Variants in GSE1 observed in about 807,000 individuals in gnomAD.
The protein encoded by GSE1 is Gse1 coiled-coil protein, also known as genetic suppressor element 1.
Under a neutral mutation model 112.6 loss-of-function variants are expected in GSE1, and 32 were observed. The observed-to-expected ratio is 0.28, with a 90% CI of 0.21 to 0.38. The LOEUF (loss-of-function observed/expected upper bound fraction) is 0.38, where lower values mean the gene tolerates loss of function less well. Among genes scored for constraint, GSE1 ranks in the 10% least tolerant of loss-of-function variants. The pLI, the probability that GSE1 is intolerant of heterozygous loss-of-function variation, is 1.00. For missense variants in GSE1, 2,348 were observed against 1,699.2 expected, an observed-to-expected ratio of 1.38 and a Z score of -6.71; for synonymous variants, 1,115 against 735.6, an observed-to-expected ratio of 1.52 and a Z score of -8.35.
chr16:85,596,800 C>G (rs1352147851), intron 1 of GSE1, among the ~76,000 whole-genome samples: 1 of 152,036 alleles, frequency 6.6e-6, no homozygotes, highest in Non-Finnish European at 1.5e-5. Flanking sequence ...CTTTGGGAGG[C>G]CAAGGCGGGC....
chr16:85,426,462 AAGGGAGGG>A (rs58336674), intron 2 of GSE1, among the ~76,000 whole-genome samples: 1 of 90,282 alleles, frequency 1.1e-5, no homozygotes, highest in East Asian at 4.1e-4. Context: ...GGAAGGGAGA[AAGGGAGGG>A]AGGGAGGGAG....
chr16:85,260,379 T>C (rs954305157), intron 1 of GSE1, among the ~76,000 whole-genome samples: 4 of 146,180 alleles, frequency 2.7e-5, no homozygotes, highest in African/African-American at 1.0e-4. Flanking sequence ...GCTGGAGTGC[T>C]GTGGTGCTAT....
chr16:85,536,976 G>A (rs2044351601), intron 2 of GSE1, among the ~76,000 whole-genome samples: 1 of 152,216 alleles, frequency 6.6e-6, no homozygotes, highest in Admixed American at 6.5e-5. Context: ...GCCTGACGTG[G>A]TCATTGAGCC....
chr16:85,250,316 C>T (rs966170340), intron 1 of GSE1, among the ~76,000 whole-genome samples: 1 of 152,222 alleles, frequency 6.6e-6, no homozygotes, highest in African/African-American at 2.4e-5. Context: ...TTTGCGCCAG[C>T]AGTGCACCCC....
Position 85,430,743 on chromosome 16 carries a change from T to G in GSE1, c.2464+73100T>G, listed in dbSNP as rs373806566. 1.0e-3 allele frequency among the ~76,000 whole-genome samples: 153 copies of G among 152,240 alleles called. 1 individual carries two copies. The highest frequency in any genetic ancestry group is 2.7e-3 in the African/African-American group (113 of 41,550). On this transcript the variant is annotated intron_variant, in intron 2 of 2. Transcript: ENST00000637419. ...CGTCTGAAGGGCACCGCTGGGGAAA[T>G]CCTGACGTAGGCACACACGTGCATG... is the stretch of plus-strand genomic sequence containing the variant.
chr16:85,253,287 A>G (rs948264997), intron 1 of GSE1, among the ~76,000 whole-genome samples: 1 of 151,640 alleles, frequency 6.6e-6, no homozygotes, highest in Non-Finnish European at 1.5e-5. Flanking sequence ...GGAGTCTGCA[A>G]CCCCGCTTGC....
chr16:85,616,223 C>T (rs1015592246), intron 1 of GSE1, among the ~76,000 whole-genome samples: 1 of 152,246 alleles, frequency 6.6e-6, no homozygotes, highest in South Asian at 2.1e-4. Context: ...GGAGCAGGTA[C>T]TGTCTGTCCT....
At chr16:85,664,930 C>T (rs1465037214) in intron 11 of GSE1, 85 bp from the exon 12 acceptor site, 5 of 938,258 alleles carry the variant, frequency 5.3e-6, no homozygotes, top group Non-Finnish European at 8.6e-6. Flanking sequence ...TTGCCTGCCC[C>T]TCAAGGCTCG....
chr16:85,351,457 T>A (rs2046848733), intron 1 of GSE1, among the ~76,000 whole-genome samples: 1 of 151,840 alleles, frequency 6.6e-6, no homozygotes, highest in South Asian at 2.1e-4. Context: ...GTATGAAACG[T>A]CTAGAAGAGG....
intron 1 of GSE1, among the ~76,000 whole-genome samples, chr16:85,244,889 G>T (rs1905466507): frequency 6.6e-6 from 1 of 151,964 alleles, no homozygotes; most frequent in Non-Finnish European, 1.5e-5. Flanking sequence ...TACTCAAGAG[G>T]CTGAGGCAGG....
At chr16:85,433,401 C>G (rs1407390246) in intron 2 of GSE1, among the ~76,000 whole-genome samples, 2 of 152,104 alleles carry the variant, frequency 1.3e-5, no homozygotes, top group African/African-American at 4.8e-5. Context: ...CTTTCCCTGC[C>G]CTCGGCCAGC....
chr16:85,640,269 G>A (rs2050333977), intron 2 of GSE1, among the ~76,000 whole-genome samples: 1 of 152,196 alleles, frequency 6.6e-6, no homozygotes, highest in African/African-American at 2.4e-5. Context: ...CACCGGCCGG[G>A]GGCTCATGGT....
chr16:85,471,043 G>A (rs2050278087), intron 2 of GSE1, among the ~76,000 whole-genome samples: 1 of 152,222 alleles, frequency 6.6e-6, no homozygotes. Flanking sequence ...CCCCAGAGCA[G>A]GAGGTGCCAG....
intron 1 of GSE1, among the ~76,000 whole-genome samples, chr16:85,226,755 ACTG>A (rs2075492545): frequency 1.6e-5 from 2 of 122,038 alleles, no homozygotes; most frequent in African/African-American, 6.5e-5. Flanking sequence ...TGCTGCCTGG[ACTG>A]GTGTGTGTGT....
At chr16:85,329,405 G>T (rs113875723) in intron 1 of GSE1, among the ~76,000 whole-genome samples, 1 of 152,112 alleles carries the variant, frequency 6.6e-6, no homozygotes, top group South Asian at 2.1e-4. Context: ...CTTCGGCTAA[G>T]CCTGGAACAG....
chr16:85,294,572 TG>T (rs2045307940), intron 1 of GSE1, among the ~76,000 whole-genome samples: 1 of 150,696 alleles, frequency 6.6e-6, no homozygotes, highest in Admixed American at 6.6e-5. Flanking sequence ...GGTTACAGGC[TG>T]GGGTCACATT....
At chr16:85,241,608 G>C (rs954005095) in intron 1 of GSE1, among the ~76,000 whole-genome samples, 7 of 152,158 alleles carry the variant, frequency 4.6e-5, no homozygotes, top group African/African-American at 1.7e-4. Context: ...TGGTCTCCCA[G>C]TGCCTGGATT....
intron 2 of GSE1, among the ~76,000 whole-genome samples, chr16:85,453,293 C>T (rs2049736374): frequency 6.6e-6 from 1 of 152,178 alleles, no homozygotes; most frequent in Admixed American, 6.5e-5. Flanking sequence ...CCACCCTCCT[C>T]TACCTCCCTT....
At chr16:85,621,446 C>CCT (rs2048737609) in intron 1 of GSE1, among the ~76,000 whole-genome samples, 1 of 152,222 alleles carries the variant, frequency 6.6e-6, no homozygotes, top group African/African-American at 2.4e-5. Flanking sequence ...TCCTGGCGTC[C>CCT]TTTTTTGAAT....
Sources: gnomAD v4.1 joint callset for allele counts (sites outside exome capture counted in the v4.1 genomes callset) on GRCh38, gnomAD v4.1.1 for gene constraint, MANE v1.5 for transcripts, NCBI Gene and HGNC (gene_info 2026-07-23, HGNC 2026-07-21) for gene names.